The following PAN3 variants were observed in gnomAD, a reference collection of about 807,000 sequenced individuals.
PAN3 encodes poly(A) specific ribonuclease subunit PAN3.
A neutral mutation model predicts 96.2 loss-of-function variants in PAN3; 19 were observed. The observed-to-expected ratio is 0.20, with a 90% CI of 0.14 to 0.29. The LOEUF is 0.29. PAN3 is among the 10% of genes least tolerant of loss of function. The pLI is 1.00. For missense variants in PAN3, 882 were observed against 1,108.1 expected, an observed-to-expected ratio of 0.80 and a Z score of 2.90; for synonymous variants, 433 against 406.6, an observed-to-expected ratio of 1.06 and a Z score of -0.78.
At chr13:28,272,197 C>T (rs554352202) in intron 14 of PAN3, 126 bp downstream of exon 14, 2 of 554,122 alleles carry the variant, frequency 3.6e-6, no homozygotes, top group East Asian at 6.6e-5. Flanking sequence ...TCTATGCAGA[C>T]TTTGAACATG....
At chr13:28,171,437 C>CGCA (rs888393383) in intron 1 of PAN3, among the ~76,000 whole-genome samples, 5 of 152,166 alleles carry the variant, frequency 3.3e-5, no homozygotes, top group African/African-American at 1.2e-4. Context: ...AGCTCAGTCA[C>CGCA]GCAAGACTGC....
chr13:28,252,968 G>GA (rs917668989), intron 6 of PAN3, among the ~76,000 whole-genome samples: 48 of 152,222 alleles, frequency 3.2e-4, no homozygotes, highest in African/African-American at 1.1e-3. Context: ...GCTGTATATG[G>GA]AAAGATTGAA....
chr13:28,284,889 G>A (rs1319776401), intron 17 of PAN3, among the ~76,000 whole-genome samples: 1 of 152,048 alleles, frequency 6.6e-6, no homozygotes, highest in Non-Finnish European at 1.5e-5. Context: ...AAACCTGATG[G>A]TTTCTTCATA....
chr13:28,264,400 G>A (rs376291774), intron 9 of PAN3, among the ~76,000 whole-genome samples: 2 of 152,056 alleles, frequency 1.3e-5, no homozygotes, highest in Admixed American at 6.6e-5. Flanking sequence ...TTAGCCAGGC[G>A]TGGTGGTGCC....
chr13:28,281,551 T>C (rs1413449277), intron 17 of PAN3, among the ~76,000 whole-genome samples, 172 bp downstream of exon 17: 1 of 152,224 alleles, frequency 6.6e-6, no homozygotes, highest in Non-Finnish European at 1.5e-5. Context: ...TAGGTGTGGC[T>C]GTCCTTACGA....
chr13:28,280,404 T>C lies in PAN3; in HGVS notation c.2190-8T>C. ...ACATCCAAGTAATTCCTCTTTTATC[T>C]TGGGTAGGTATTTGTTGACTGACCA... On this transcript the variant is annotated splice_polypyrimidine_tract_variant and splice_region_variant and intron_variant, in intron 15 of 18. Transcript: ENST00000380958. The C allele has an allele frequency of 6.2e-7, 1 of 1,600,452 alleles. No homozygotes were observed. The highest frequency in any genetic ancestry group is 8.5e-7 in the Non-Finnish European group (1 of 1,174,676).
chr13:28,220,467 C>T (rs1459541396), intron 6 of PAN3, 89 bp downstream of exon 6: 2 of 1,417,470 alleles, frequency 1.4e-6, no homozygotes, highest in Non-Finnish European at 1.9e-6. Flanking sequence ...AAATTGTATA[C>T]TTGAATGATT....
intron 12 of PAN3, among the ~76,000 whole-genome samples, chr13:28,269,745 C>T (rs1173086728): frequency 1.3e-5 from 2 of 152,076 alleles, no homozygotes; most frequent in African/African-American, 2.4e-5. Flanking sequence ...ACACATATTT[C>T]CAGAGTATAT....
At chr13:28,269,986 G>A (rs1478018799) in intron 12 of PAN3, among the ~76,000 whole-genome samples, 1 of 152,086 alleles carries the variant, frequency 6.6e-6, no homozygotes. Context: ...TCAGCACTTA[G>A]GGAGGCTGAG....
chr13:28,193,382 T>A (rs1368307501), intron 4 of PAN3, among the ~76,000 whole-genome samples: 1 of 152,186 alleles, frequency 6.6e-6, no homozygotes, highest in Non-Finnish European at 1.5e-5. Context: ...ATTCCCTTTT[T>A]GAAATGAAGA....
intron 1 of PAN3, among the ~76,000 whole-genome samples, chr13:28,153,207 A>T (rs564432954): frequency 1.5e-4 from 23 of 151,784 alleles, no homozygotes; most frequent in African/African-American, 3.9e-4. Context: ...TAGGAAGAAG[A>T]AGTTACAAAA....
intron 1 of PAN3, 59 bp downstream of exon 1, chr13:28,139,146 A>T (rs1358078621): frequency 1.1e-5 from 14 of 1,252,522 alleles, no homozygotes; most frequent in Admixed American, 4.2e-5. Context: ...GGGCCGGATG[A>T]GGCCCTGCTG....
At chr13:28,158,669 GAGATCAAGA>G (rs1872523239) in intron 1 of PAN3, among the ~76,000 whole-genome samples, 2 of 152,160 alleles carry the variant, frequency 1.3e-5, no homozygotes, top group Non-Finnish European at 2.9e-5. Context: ...ACGAGGTCAG[GAGATCAAGA>G]CCATCCTGGC....
chr13:28,154,621 A>G (rs1298857792), intron 1 of PAN3, among the ~76,000 whole-genome samples: 2 of 152,022 alleles, frequency 1.3e-5, no homozygotes, highest in Non-Finnish European at 2.9e-5. Flanking sequence ...CAGCCTCCCA[A>G]GTAGCTGGGA....
intron 18 of PAN3, among the ~76,000 whole-genome samples, chr13:28,291,078 T>C (rs1428730140): frequency 6.6e-6 from 1 of 152,156 alleles, no homozygotes; most frequent in Non-Finnish European, 1.5e-5. Flanking sequence ...GTGACAATAT[T>C]CTAAGTTTGA....
chr13:28,220,198 T>C, intron 5 of PAN3, 33 bp from the exon 6 acceptor site: 1 of 1,596,296 alleles, frequency 6.3e-7, no homozygotes, highest in Non-Finnish European at 8.6e-7. Context: ...CGGCTTAAAG[T>C]GTGTTAACTT....
chr13:28,208,563 G>A (rs1288444038), intron 5 of PAN3, among the ~76,000 whole-genome samples: 3 of 151,928 alleles, frequency 2.0e-5, no homozygotes, highest in African/African-American at 4.8e-5. Context: ...AATCCATTTA[G>A]TGGTTGAGCA....
At chr13:28,174,507 C>G (rs1043194685) in intron 2 of PAN3, 114 bp downstream of exon 2, 10 of 1,203,492 alleles carry the variant, frequency 8.3e-6, no homozygotes, top group Non-Finnish European at 1.0e-5. Flanking sequence ...TTTTAGGAGG[C>G]AGTGAGATGG....
chr13:28,142,511 A>ATTTTTT (rs74881179), intron 1 of PAN3, among the ~76,000 whole-genome samples: 7,196 of 126,264 alleles, frequency 0.057, 326 homozygotes, highest in East Asian at 0.25. Context: ...ATAGATGGCA[A>ATTTTTT]TTTTTTTTTT....
Sources: allele counts gnomAD v4.1 joint callset (sites outside exome capture counted in the v4.1 genomes callset), GRCh38; gene constraint gnomAD v4.1.1; transcripts MANE v1.5; gene names NCBI Gene and HGNC (gene_info 2026-07-23, HGNC 2026-07-21).